SLC4A4: variants seen among roughly 807,000 people sequenced by gnomAD.
The protein encoded by SLC4A4 is solute carrier family 4 member 4.
A neutral mutation model predicts 111.5 loss-of-function variants in SLC4A4; 27 were observed. The ratio of observed to expected loss-of-function variants is 0.24; its 90% confidence interval spans 0.18 to 0.33. The LOEUF is 0.33. SLC4A4 is among the 10% of genes least tolerant of loss of function. The probability of loss-of-function intolerance (pLI) is 1.00; values close to 1 mark genes in which losing one functional copy is unlikely to be tolerated. For missense variants in SLC4A4, 909 were observed against 1,315.5 expected, an observed-to-expected ratio of 0.69 and a Z score of 4.78; for synonymous variants, 443 against 463.4, an observed-to-expected ratio of 0.96 and a Z score of 0.57.
At chr4:71,181,234 A>C (rs1745283120) in intron 2 of SLC4A4, among the ~76,000 whole-genome samples, 1 of 97,294 alleles carries the variant, frequency 1.0e-5, no homozygotes, top group Non-Finnish European at 2.0e-5. Flanking sequence ...GGGAGGGGGG[A>C]GGGATAGCAT....
At chr4:71,109,141 G>GTTTTTC (rs1743023224) in intron 2 of SLC4A4, among the ~76,000 whole-genome samples, 1 of 151,998 alleles carries the variant, frequency 6.6e-6, no homozygotes, top group Non-Finnish European at 1.5e-5. Context: ...AGGGTTTGCT[G>GTTTTTC]TTTTTGTTTT....
intron 7 of SLC4A4, among the ~76,000 whole-genome samples, chr4:71,406,755 C>G (rs897775670): frequency 6.6e-6 from 1 of 150,670 alleles, no homozygotes; most frequent in Non-Finnish European, 1.5e-5. Context: ...AATCAGTGTT[C>G]CATGCATACA....
intron 1 of SLC4A4, among the ~76,000 whole-genome samples, chr4:71,088,675 G>T (rs57451247): frequency 0.11 from 16,631 of 151,880 alleles, 1,368 homozygotes; most frequent in African/African-American, 0.22. Flanking sequence ...GCTTAGTTTG[G>T]CTGGATATGA....
chr4:71,254,032 A>G (rs1721266171), intron 2 of SLC4A4, among the ~76,000 whole-genome samples: 1 of 152,184 alleles, frequency 6.6e-6, no homozygotes, highest in Non-Finnish European at 1.5e-5. Flanking sequence ...GTTACTGTGG[A>G]AAGTAGTTCA....
chr4:71,544,971 A>G (rs1347497734), intron 18 of SLC4A4, among the ~76,000 whole-genome samples: 2 of 152,034 alleles, frequency 1.3e-5, no homozygotes, highest in Admixed American at 1.3e-4. Flanking sequence ...TCTCAGATAT[A>G]TCATGGTATT....
rs566041943 is a variant in SLC4A4, at chr4:71,128,945, G to C, written c.-2+36153G>C. Among the ~76,000 whole-genome samples, 203 of 151,786 alleles carry C rather than the reference G, an allele frequency of 1.3e-3. 1 individual carries two copies. The Middle Eastern group carries it at 0.014, about 10-fold the overall frequency. On this transcript the variant is annotated intron_variant, in intron 2 of 26. Transcript: ENST00000649996. ...ACTTCGAGTGTCTCCTTTTTTTCTG[G>C]GTTACTCAAATATTCTCCGCCTTTG...
At chr4:71,229,719 T>C (rs533691508) in intron 1 of SLC4A4, among the ~76,000 whole-genome samples, 1 of 152,108 alleles carries the variant, frequency 6.6e-6, no homozygotes, top group South Asian at 2.1e-4. Flanking sequence ...AGTATGGATG[T>C]CCAGAGCTCC....
intron 3 of SLC4A4, among the ~76,000 whole-genome samples, chr4:71,309,389 C>T (rs1205614382): frequency 1.3e-5 from 2 of 152,194 alleles, no homozygotes; most frequent in Non-Finnish European, 2.9e-5. Context: ...AAGGGACAGA[C>T]TGCCTCCTCA....
chr4:71,505,083 G>A (rs1024605373), intron 16 of SLC4A4, among the ~76,000 whole-genome samples: 2 of 152,106 alleles, frequency 1.3e-5, no homozygotes, highest in Non-Finnish European at 2.9e-5. Context: ...TGGCTGCATA[G>A]TATTTCATGG....
At chr4:71,249,044 C>T (rs1560812600) in intron 2 of SLC4A4, among the ~76,000 whole-genome samples, 2 of 152,036 alleles carry the variant, frequency 1.3e-5, no homozygotes, top group Non-Finnish European at 2.9e-5. Context: ...ATTAATAGTG[C>T]TGTGCTCAGT....
At position 71,373,696 on chromosome 4, in the gene SLC4A4, A is replaced by C. The variant is rs188640103; in HGVS notation, c.730+16509A>C. Among the ~76,000 whole-genome samples the C allele has an allele frequency of 1.4e-3, 211 of 152,310 alleles. 1 individual carries two copies. The highest frequency in any genetic ancestry group is 4.8e-3 in the African/African-American group (199 of 41,570). On this transcript the variant is annotated intron_variant, in intron 6 of 25. Transcript: ENST00000264485. ...GTTAGAACTTTATGTTAGGGAAATT[A>C]ACCTGTCAGTCATTCTTTGAGTGGG...
chr4:71,360,436 C>T (rs1315434727), intron 6 of SLC4A4, among the ~76,000 whole-genome samples: 1 of 151,980 alleles, frequency 6.6e-6, no homozygotes, highest in Non-Finnish European at 1.5e-5. Context: ...GTGTCTATAA[C>T]TGTTAAAATG....
At chr4:71,417,203 G>A (rs915677247) in intron 7 of SLC4A4, among the ~76,000 whole-genome samples, 1 of 152,148 alleles carries the variant, frequency 6.6e-6, no homozygotes, top group South Asian at 2.1e-4. Flanking sequence ...AATGATACAT[G>A]GTTTCTTTTC....
chr4:71,473,844 A>G (rs1442800349), intron 14 of SLC4A4, among the ~76,000 whole-genome samples: 2 of 151,884 alleles, frequency 1.3e-5, no homozygotes, highest in Admixed American at 6.6e-5. Context: ...ATCTTCTCTC[A>G]TAGAAAAAGG....
chr4:71,077,505 ATC>A (rs1741868148), intron 1 of SLC4A4, among the ~76,000 whole-genome samples: 3 of 152,154 alleles, frequency 2.0e-5, no homozygotes, highest in Non-Finnish European at 4.4e-5. Context: ...CGTTCTACCT[ATC>A]ACACTCTGTG....
At chr4:71,107,098 T>C (rs1024334179) in intron 2 of SLC4A4, among the ~76,000 whole-genome samples, 2 of 152,084 alleles carry the variant, frequency 1.3e-5, no homozygotes, top group African/African-American at 4.8e-5. Flanking sequence ...AATCTGTTAG[T>C]GTCCTTGGAT....
chr4:71,085,557 T>G (rs1294917685), intron 1 of SLC4A4, among the ~76,000 whole-genome samples: 2 of 152,112 alleles, frequency 1.3e-5, no homozygotes, highest in African/African-American at 2.4e-5. Context: ...TTTAAGTCTT[T>G]AATCCAACTT....
chr4:71,278,564 C>T (rs1360224890), intron 3 of SLC4A4, among the ~76,000 whole-genome samples: 1 of 152,162 alleles, frequency 6.6e-6, no homozygotes, highest in Non-Finnish European at 1.5e-5. Context: ...TTTCTGCCAC[C>T]AATGTCTAAG....
chr4:71,118,205 T>C (rs551353410), intron 2 of SLC4A4, among the ~76,000 whole-genome samples: 4 of 152,314 alleles, frequency 2.6e-5, no homozygotes, highest in African/African-American at 9.6e-5. Flanking sequence ...GTTATCTTTT[T>C]CTTATTGCTT....
Sources: gnomAD v4.1 joint callset for allele counts (sites outside exome capture counted in the v4.1 genomes callset) on GRCh38, gnomAD v4.1.1 for gene constraint, MANE v1.5 for transcripts, NCBI Gene and HGNC (gene_info 2026-07-23, HGNC 2026-07-21) for gene names.